The following GYG1 variants were observed in gnomAD, a reference collection of about 807,000 sequenced individuals.
The protein encoded by GYG1 is glycogenin 1.
GYG1 carries 44 observed loss-of-function variants against 41.9 expected under a neutral mutation model. That is an observed-to-expected ratio of 1.05 (90% CI 0.83 to 1.35). The LOEUF (loss-of-function observed/expected upper bound fraction) is 1.35, where lower values mean the gene tolerates loss of function less well. Among genes scored for constraint, GYG1 ranks in the 40% most tolerant of loss-of-function variants. GYG1 has a pLI of 0.00. For synonymous variants in GYG1, 141 were observed against 158.1 expected, an observed-to-expected ratio of 0.89 and a Z score of 0.81; for missense variants, 429 against 418.9, an observed-to-expected ratio of 1.02 and a Z score of -0.21.
intron 5 of GYG1, among the ~76,000 whole-genome samples, chr3:149,009,631 G>C (rs900268935): frequency 2.6e-5 from 4 of 152,174 alleles, no homozygotes; most frequent in Non-Finnish European, 5.9e-5. Context: ...GTTCCCATCA[G>C]TTTCTGGGGT....
At position 149,026,785 on chromosome 3, in the gene GYG1, A is replaced by G; in HGVS notation, c.905A>G (p.His302Arg). ...RKEDVSGAISHLSLGEIPAMA... is the reference protein window; with the variant it reads ...RKEDVSGAISRLSLGEIPAMA... ...GAAGATGTCTCAGGAGCCATATCAC[A>G]TCTGTCCCTTGGGGAGATCCCAGCT... Residue 302 changes from histidine to arginine, a missense_variant, in exon 8 of 8, where the codon CAT (histidine) becomes CGT (arginine). His to Arg is a conservative substitution (Grantham distance 29). Coordinates refer to ENST00000345003, the MANE Select transcript of GYG1 (RefSeq NM_004130.4). 2 of 1,613,168 alleles carry G rather than the reference A, an allele frequency of 1.2e-6. No individual in the cohort carries two copies. Among genetic ancestry groups the G allele is most frequent in the Non-Finnish European group, 1.7e-6 (2 of 1,179,082 alleles).
chr3:148,998,415 C>G (rs1303604337), intron 4 of GYG1, among the ~76,000 whole-genome samples: 2 of 152,098 alleles, frequency 1.3e-5, no homozygotes, highest in African/African-American at 4.8e-5. Context: ...GAGTGGAGGT[C>G]CAGGATGCTA....
At chr3:149,024,904 G>C (rs1381995785) in intron 6 of GYG1, among the ~76,000 whole-genome samples, 1 of 152,140 alleles carries the variant, frequency 6.6e-6, no homozygotes, top group Admixed American at 6.5e-5. Flanking sequence ...GATGAGGAAC[G>C]AAACTGTTAC....
intron 5 of GYG1, among the ~76,000 whole-genome samples, chr3:149,015,038 C>A (rs1016180113): frequency 2.6e-5 from 4 of 152,026 alleles, no homozygotes; most frequent in Admixed American, 6.5e-5. Flanking sequence ...TTTCCAATTT[C>A]TTTGGAAAAA....
At chr3:148,997,578 T>C (rs1464180100) in intron 4 of GYG1, among the ~76,000 whole-genome samples, 3 of 152,194 alleles carry the variant, frequency 2.0e-5, no homozygotes, top group Admixed American at 1.3e-4. Flanking sequence ...TCAAATGAAT[T>C]AGTAAGTGTG....
At chr3:149,022,498 CTTTTTT>C (rs71617495) in intron 5 of GYG1, among the ~76,000 whole-genome samples, 7 of 69,586 alleles carry the variant, frequency 1.0e-4, no homozygotes, top group African/African-American at 4.2e-4. Flanking sequence ...CTTGTTTTGC[CTTTTTT>C]TTTTTTTTTT....
intron 4 of GYG1, among the ~76,000 whole-genome samples, chr3:148,999,371 T>G (rs1472578244): frequency 6.6e-6 from 1 of 152,206 alleles, no homozygotes; most frequent in East Asian, 1.9e-4. Context: ...AGGTAAAAAG[T>G]CATCTATGCA....
chr3:149,014,259 A>G, intron 5 of GYG1, among the ~76,000 whole-genome samples: 1 of 152,042 alleles, frequency 6.6e-6, no homozygotes, highest in East Asian at 1.9e-4. Context: ...CTATCAGATG[A>G]TCTGTCCTCA....
intron 5 of GYG1, among the ~76,000 whole-genome samples, chr3:149,015,169 G>A (rs1292270882): frequency 3.9e-5 from 6 of 152,146 alleles, no homozygotes; most frequent in South Asian, 4.1e-4. Context: ...AGTTCGTAGG[G>A]GTAGGGATTG....
At position 149,029,063 on chromosome 3, in the gene GYG1, G is replaced by GAATC. The variant is rs1294482537; in HGVS notation, c.*2132_*2135dup. Among the ~76,000 whole-genome samples the GAATC allele has an allele frequency of 6.6e-6, 1 of 152,114 alleles. No individual in the cohort carries two copies. The highest frequency in any genetic ancestry group is 1.5e-5 in the Non-Finnish European group (1 of 68,018). ...TAGTGAAGGCTATTATTAACTTTTGGAATCAGAAAGAATGACAAGCTTACC... is the reference window on the plus strand; with the variant it reads ...TAGTGAAGGCTATTATTAACTTTTGGAATCAATCAGAAAGAATGACAAGCTTACC... On this transcript the variant is annotated 3_prime_UTR_variant, in exon 8 of 8. Coordinates refer to ENST00000345003, the MANE Select transcript of GYG1 (RefSeq NM_004130.4).
chr3:148,994,215 A>G lies in GYG1; in HGVS notation c.81A>G (p.Lys27=). The G allele has an allele frequency of 2.5e-6, 4 of 1,613,942 alleles. No homozygotes were observed. Among genetic ancestry groups the G allele is most frequent in the South Asian group, 1.1e-5 (1 of 91,070 alleles). ...CCCTGGTCCTGGGATCATCTCTGAA[A>G]CAGCACAGGACCACCAGGAGGCTGG... ...KGALVLGSSL[K]QHRTTRRLVV... Residue 27 remains lysine (K), a synonymous_variant, in exon 2 of 8, where the codon AAA becomes AAG. Coordinates refer to ENST00000345003, the MANE Select transcript of GYG1 (RefSeq NM_004130.4).
At chr3:148,992,096 C>A (rs1004588880) in intron 1 of GYG1, among the ~76,000 whole-genome samples, 1 of 151,948 alleles carries the variant, frequency 6.6e-6, no homozygotes. Flanking sequence ...GGGGATACTG[C>A]GGCCTCCGCC....
At position 149,000,037 on chromosome 3, in the gene GYG1, G is replaced by A. The variant is rs760421478; in HGVS notation, c.481+3133G>A. ...GGCTGTTGATGGCTGAGCATTTGCAGCTGCTTTTGCAACCCTTCTCATGCA... is the reference window on the plus strand; with the variant it reads ...GGCTGTTGATGGCTGAGCATTTGCAACTGCTTTTGCAACCCTTCTCATGCA... On this transcript the variant is annotated intron_variant, in intron 4 of 7. Transcript: ENST00000345003. Among the ~76,000 whole-genome samples the A allele has an allele frequency of 3.7e-4, 56 of 152,332 alleles. 1 individual carries two copies. Among genetic ancestry groups the A allele is most frequent in the South Asian group, 3.3e-3 (16 of 4,822 alleles).
intron 4 of GYG1, among the ~76,000 whole-genome samples, chr3:148,999,938 A>G (rs1044356592): frequency 6.6e-6 from 1 of 152,154 alleles, no homozygotes; most frequent in African/African-American, 2.4e-5. Flanking sequence ...AATATCTCGC[A>G]GGTCATGTTT....
intron 5 of GYG1, among the ~76,000 whole-genome samples, chr3:149,012,694 A>G (rs1236598221): frequency 1.4e-5 from 2 of 144,174 alleles, no homozygotes; most frequent in Non-Finnish European, 1.5e-5. Flanking sequence ...ACTCAAATAT[A>G]AAAAAACAGA....
Position 149,024,114 on chromosome 3 carries a change from T to A in GYG1, c.670T>A (p.Tyr224Asn), listed in dbSNP as rs532571990. 22 of 1,614,146 alleles carry A rather than the reference T, an allele frequency of 1.4e-5. No individual in the cohort carries two copies. The highest frequency in any genetic ancestry group is 1.9e-5 in the Non-Finnish European group (22 of 1,180,004). The change falls in exon 6 of 8, where the codon TAT becomes AAT. Residue 224 changes from tyrosine (Y) to asparagine (N), a missense_variant. Tyr to Asn is a moderately radical substitution (Grantham distance 143, BLOSUM62 -2). Transcript: ENST00000345003. ...ACGAGTCAAACCATGGAATTATACT[T>A]ATGATCCCAAAACAAAAAGTGTCAA... ...LGRVKPWNYTYDPKTKSVKSE... is the reference protein window; with the variant it reads ...LGRVKPWNYTNDPKTKSVKSE...
At chr3:149,005,842 A>T (rs1414831412) in intron 4 of GYG1, among the ~76,000 whole-genome samples, 7 of 152,174 alleles carry the variant, frequency 4.6e-5, no homozygotes, top group Non-Finnish European at 1.0e-4. Context: ...GTTTTCCCCT[A>T]ATGGTAGTAC....
At chr3:149,016,191 G>A (rs1387867650) in intron 5 of GYG1, among the ~76,000 whole-genome samples, 1 of 150,332 alleles carries the variant, frequency 6.7e-6, no homozygotes, top group African/African-American at 2.5e-5. Flanking sequence ...AACCCAGGAG[G>A]TGGAGCTTGC....
At chr3:148,996,663 T>G in intron 3 of GYG1, 79 bp from the exon 4 acceptor site, 1 of 1,385,128 alleles carries the variant, frequency 7.2e-7, no homozygotes, top group South Asian at 1.2e-5. Context: ...TCTTTTGTGT[T>G]GGATGACATA....
Sources: allele counts gnomAD v4.1 joint callset (sites outside exome capture counted in the v4.1 genomes callset), GRCh38; gene constraint gnomAD v4.1.1; transcripts MANE v1.5; gene names NCBI Gene and HGNC (gene_info 2026-07-23, HGNC 2026-07-21).